LAMB4: variants seen among roughly 807,000 people sequenced by gnomAD.
LAMB4 encodes the protein laminin subunit beta-4.
LAMB4 carries 196 observed loss-of-function variants against 199.2 expected under a neutral mutation model. That is an observed-to-expected ratio of 0.98 (90% CI 0.88 to 1.11). The LOEUF (loss-of-function observed/expected upper bound fraction) is 1.11, where lower values mean the gene tolerates loss of function less well. LAMB4 is among the 50% of genes least tolerant of loss of function. The pLI is 0.00. For synonymous variants in LAMB4, 744 were observed against 770.6 expected, an observed-to-expected ratio of 0.97 and a Z score of 0.57; for missense variants, 2,080 against 2,171.2, an observed-to-expected ratio of 0.96 and a Z score of 0.83.
intron 10 of LAMB4, among the ~76,000 whole-genome samples, chr7:108,101,435 T>C (rs1376107799): frequency 2.0e-5 from 3 of 152,214 alleles, no homozygotes; most frequent in Non-Finnish European, 1.5e-5. Flanking sequence ...ATCCGTTGTG[T>C]CACTCCCATG....
chr7:108,052,405 A>C lies in LAMB4; in HGVS notation c.3756-148T>G, dbSNP rs564332299. On this transcript the variant is annotated intron_variant, in intron 25 of 33. Coordinates refer to ENST00000388781, the MANE Select transcript of LAMB4 (RefSeq NM_007356.3). ...TCGAGTTTTTCATTTGACGGTTTAT[A>C]ATTGTGTTTATGTCTCATCTCTTTC... The C allele has an allele frequency of 6.9e-6, 4 of 578,320 alleles. No homozygotes were observed. In the African/African-American group the frequency reaches 7.5e-5, roughly 11 times the overall value. 35.8% of individuals were successfully genotyped at this position (578,320 alleles called of 1,614,324 possible).
chr7:108,128,289 T>G (rs546813272), intron 1 of LAMB4, among the ~76,000 whole-genome samples: 36 of 152,284 alleles, frequency 2.4e-4, no homozygotes, highest in African/African-American at 8.7e-4. Flanking sequence ...AAGTCCCTTC[T>G]TTGGCCTCTC....
chr7:108,096,030 T>C (rs2037582431), intron 11 of LAMB4, among the ~76,000 whole-genome samples: 1 of 152,242 alleles, frequency 6.6e-6, no homozygotes, highest in Admixed American at 6.5e-5. Flanking sequence ...CATTACTAAT[T>C]GTACCATCTT....
rs576665148 is a variant in LAMB4, at chr7:108,120,585, G to A, written c.34+2546C>T. ...TTGTGGTATAATAAATGGTTAATGCGGACTTTTATTTAACCAGCAACCCAC... is the reference window on the plus strand; with the variant it reads ...TTGTGGTATAATAAATGGTTAATGCAGACTTTTATTTAACCAGCAACCCAC... On this transcript the variant is annotated intron_variant, in intron 2 of 33. Transcript: ENST00000388781. 1.2e-4 allele frequency among the ~76,000 whole-genome samples: 19 copies of A among 152,270 alleles called. No individual in the cohort carries two copies. In the South Asian group the frequency reaches 2.1e-3, roughly 17 times the overall value.
chr7:108,077,224 G>A (rs1375433518), intron 16 of LAMB4, among the ~76,000 whole-genome samples, 160 bp from the exon 17 acceptor site: 1 of 152,034 alleles, frequency 6.6e-6, no homozygotes, highest in Admixed American at 6.6e-5. Flanking sequence ...TGGGTTGGTT[G>A]GATGGTAAAG....
intron 11 of LAMB4, among the ~76,000 whole-genome samples, chr7:108,095,754 T>C (rs113195414): frequency 4.3e-4 from 66 of 152,324 alleles, no homozygotes; most frequent in African/African-American, 1.5e-3. Context: ...TTTAGTACTT[T>C]GTTACTTTTT....
At chr7:108,044,960 A>C (rs1380740447) in intron 28 of LAMB4, among the ~76,000 whole-genome samples, 1 of 146,432 alleles carries the variant, frequency 6.8e-6, no homozygotes, top group Non-Finnish European at 1.5e-5. Context: ...TGTCTCAAAA[A>C]AAAAAAAAAA....
At chr7:108,032,417 A>G (rs2035071257) in intron 31 of LAMB4, among the ~76,000 whole-genome samples, 1 of 152,124 alleles carries the variant, frequency 6.6e-6, no homozygotes, top group Non-Finnish European at 1.5e-5. Flanking sequence ...AAATCTTTAA[A>G]AAGGCAATTT....
chr7:108,027,541 A>G (rs1336458586), intron 33 of LAMB4, among the ~76,000 whole-genome samples: 4 of 152,182 alleles, frequency 2.6e-5, no homozygotes, highest in Non-Finnish European at 5.9e-5. Flanking sequence ...CTCATTTGAT[A>G]ATAAAAAAGA....
intron 7 of LAMB4, 45 bp downstream of exon 7, chr7:108,106,464 G>T: frequency 8.6e-7 from 1 of 1,157,088 alleles, no homozygotes; most frequent in Non-Finnish European, 1.3e-6. Context: ...TGCCAAACAT[G>T]AAATTTTTTT....
chr7:108,025,406 TTTCTTTCTTTC>T (rs2034801183), intron 33 of LAMB4, among the ~76,000 whole-genome samples: 1 of 112,438 alleles, frequency 8.9e-6, no homozygotes, highest in Non-Finnish European at 1.6e-5. Context: ...TCTTTCTTTC[TTTCTTTCTTTC>T]TTCTTTCTTT....
chr7:108,043,395 C>T (rs1417353874), intron 29 of LAMB4, among the ~76,000 whole-genome samples: 1 of 151,868 alleles, frequency 6.6e-6, no homozygotes, highest in African/African-American at 2.4e-5. Flanking sequence ...TTTGTTACCA[C>T]ATTTATCTTT....
chr7:108,053,863 T>C lies in LAMB4; in HGVS notation c.3756-1606A>G, dbSNP rs562521014. ...CCAAAGCTCATTCTCAGACAAGTTT[T>C]CTTTGGGCTATACAGTAGGGCTTCT... On this transcript the variant is annotated intron_variant, in intron 25 of 33. Transcript: ENST00000388781. 2.0e-4 allele frequency among the ~76,000 whole-genome samples: 30 copies of C among 152,342 alleles called. No homozygotes were observed. In the South Asian group the frequency reaches 4.2e-3, roughly 21 times the overall value.
At chr7:108,097,557 G>C (rs1390774124) in intron 11 of LAMB4, among the ~76,000 whole-genome samples, 1 of 152,194 alleles carries the variant, frequency 6.6e-6, no homozygotes, top group Non-Finnish European at 1.5e-5. Flanking sequence ...AGGCCGAGAC[G>C]GGCGGATCAC....
In LAMB4 at chr7:108,055,618, A is replaced by G; in HGVS notation, c.3755+14T>C. On this transcript the variant is annotated intron_variant, in intron 25 of 33. Transcript: ENST00000388781. ...CAGGAGTTTGGCTGTCTGTTACTTGAGCATAAATCTTACCTAACAGAGTCA... is the reference window on the plus strand; with the variant it reads ...CAGGAGTTTGGCTGTCTGTTACTTGGGCATAAATCTTACCTAACAGAGTCA... 6.2e-7 allele frequency: 1 copy of G among 1,601,496 alleles called. No homozygotes were observed. Among genetic ancestry groups the G allele is most frequent in the Non-Finnish European group, 8.5e-7 (1 of 1,174,996 alleles).
At chr7:108,049,817 C>T (rs1432681253) in intron 26 of LAMB4, among the ~76,000 whole-genome samples, 1 of 152,128 alleles carries the variant, frequency 6.6e-6, no homozygotes, top group Non-Finnish European at 1.5e-5. Flanking sequence ...CAAATCAGTT[C>T]ATCTCTTATA....
Position 108,055,991 on chromosome 7 carries a change from C to T in LAMB4, c.3396G>A (p.Arg1132=). 1.2e-6 allele frequency: 2 copies of T among 1,611,432 alleles called. No individual in the cohort carries two copies. The highest frequency in any genetic ancestry group is 1.7e-6 in the Non-Finnish European group (2 of 1,178,476). The change falls in exon 25 of 34, where the codon AGG becomes AGA. Residue 1132 remains arginine (R), a synonymous_variant. Transcript: ENST00000388781. ...PGRCIPCDCN[R]AGTQKPICDP... ...CACAGATGGGCTTCTGGGTACCTGC[C>T]CTGTTACAATCACATGCTAAAAAGG...
chr7:108,029,147 C>T lies in LAMB4; in HGVS notation c.5042G>A (p.Ser1681Asn). 6.2e-7 allele frequency: 1 copy of T among 1,613,544 alleles called. No homozygotes were observed. The highest frequency in any genetic ancestry group is 8.5e-7 in the Non-Finnish European group (1 of 1,179,788). ...TGTCTCCTTTGTTAGTCCTGTAGTG[C>T]TTGTCTTACGTTGGAGAATAGCATA... Reference protein sequence around the residue: ...KQYAILQRKTSTTGLTKETLG... With the variant: ...KQYAILQRKTNTTGLTKETLG... Residue 1681 changes from serine (S) to asparagine (N), a missense_variant, in exon 33 of 34, where the codon AGC becomes AAC. Ser to Asn is a conservative substitution (Grantham distance 46). Coordinates refer to ENST00000388781, the MANE Select transcript of LAMB4 (RefSeq NM_007356.3).
chr7:108,126,915 G>T (rs1433836187), intron 1 of LAMB4, among the ~76,000 whole-genome samples: 1 of 152,088 alleles, frequency 6.6e-6, no homozygotes, highest in Non-Finnish European at 1.5e-5. Context: ...TGCACCTGAG[G>T]AGATATTAAA....
Sources: gnomAD v4.1 joint callset for allele counts (sites outside exome capture counted in the v4.1 genomes callset) on GRCh38, gnomAD v4.1.1 for gene constraint, MANE v1.5 for transcripts, NCBI Gene and HGNC (gene_info 2026-07-23, HGNC 2026-07-21) for gene names.